The following NAAA variants were observed in gnomAD, a reference collection of about 807,000 sequenced individuals.
NAAA encodes N-acylethanolamine acid amidase.
NAAA carries 39 observed loss-of-function variants against 44.8 expected under a neutral mutation model. The ratio of observed to expected loss-of-function variants is 0.87; its 90% CI spans 0.67 to 1.14. NAAA has a LOEUF of 1.14. Among genes scored for constraint, NAAA ranks in the 50% most tolerant of loss-of-function variants. NAAA has a pLI of 0.00. For missense variants in NAAA, 460 were observed against 467.8 expected (o/e 0.98, Z 0.15); for synonymous variants, 178 against 191.3 (o/e 0.93, Z 0.58).
At chr4:75,939,509 G>A (rs1728036827) in intron 2 of NAAA, among the ~76,000 whole-genome samples, 1 of 149,274 alleles carries the variant, frequency 6.7e-6, no homozygotes, top group African/African-American at 2.5e-5. Context: ...TCCGCCTCCC[G>A]GGTTCAAGTG....
intron 5 of NAAA, among the ~76,000 whole-genome samples, chr4:75,925,349 T>C (rs1487859534): frequency 1.3e-5 from 2 of 152,194 alleles, no homozygotes; most frequent in Non-Finnish European, 2.9e-5. Context: ...GCATAACTTC[T>C]AAGTTCCAGT....
intron 3 of NAAA, among the ~76,000 whole-genome samples, chr4:75,934,052 GTAATAATAATAA>G (rs66466020): frequency 0.022 from 3,124 of 141,984 alleles, 96 homozygotes; most frequent in African/African-American, 0.069. Flanking sequence ...AATAGTAGTA[GTAATAATAATAA>G]TAATAATAAT....
In NAAA at chr4:75,936,247, GAA is replaced by G. The variant is rs747320966; in HGVS notation, c.372-14_372-13del. The stretch of plus-strand genomic sequence containing the variant: ...TACTGGTGCAGAACCTGAGAAAAGG[GAA>G]AAGTCCAACATGAATGAATAAGACA... On this transcript the variant is annotated splice_polypyrimidine_tract_variant and intron_variant, in intron 2 of 10. Transcript: ENST00000286733. 3 of 1,608,458 alleles carry G rather than the reference GAA, an allele frequency of 1.9e-6. No individual in the cohort carries two copies. In the Admixed American group the frequency reaches 5.1e-5, roughly 27 times the overall value.
intron 1 of NAAA, 76 bp from the exon 2 acceptor site, chr4:75,940,241 G>A: frequency 6.6e-7 from 1 of 1,516,794 alleles, no homozygotes; most frequent in Non-Finnish European, 9.0e-7. Context: ...ACTGCGAGCG[G>A]GGCTACATCC....
chr4:75,924,206 C>A (rs776777891), intron 5 of NAAA, among the ~76,000 whole-genome samples: 1 of 152,218 alleles, frequency 6.6e-6, no homozygotes, highest in Admixed American at 6.5e-5. Flanking sequence ...TCACCCCAGA[C>A]AAATGAGGCC....
At chr4:75,924,166 C>CT (rs1726442578) in intron 5 of NAAA, among the ~76,000 whole-genome samples, 2 of 152,308 alleles carry the variant, frequency 1.3e-5, no homozygotes, top group Non-Finnish European at 2.9e-5. Flanking sequence ...TTCTAGTTTT[C>CT]TGTGGCCCTG....
downstream of NAAA, among the ~76,000 whole-genome samples, chr4:75,911,025 A>C (rs1459024926): frequency 6.6e-6 from 1 of 152,172 alleles, no homozygotes; most frequent in Non-Finnish European, 1.5e-5. Flanking sequence ...TCAAGGGCGG[A>C]GAGGATATTA....
chr4:75,916,371 T>C (rs532945057), intron 9 of NAAA: 9 of 152,356 alleles, frequency 5.9e-5, no homozygotes, highest in Admixed American at 2.0e-4. Flanking sequence ...ATGGTGATTG[T>C]CACTTAAAAG....
chr4:75,918,348 G>C (rs1725821427), intron 9 of NAAA, among the ~76,000 whole-genome samples: 1 of 152,124 alleles, frequency 6.6e-6, no homozygotes, highest in African/African-American at 2.4e-5. Context: ...CCAGCCACTT[G>C]GGAGGCTGAG....
intron 9 of NAAA, among the ~76,000 whole-genome samples, chr4:75,918,175 C>A (rs960317294): frequency 6.6e-6 from 1 of 152,028 alleles, no homozygotes; most frequent in Non-Finnish European, 1.5e-5. Flanking sequence ...CAGAGCTGGC[C>A]GGGCGCAGTG....
rs1725446267 is a variant in NAAA, at chr4:75,914,030, G to A, written c.*345C>T. Reference sequence around the variant, plus strand: ...TTAGCGGAGAAGCAAAGGTATGATGGCAGAATCATGAGAAGATGGAAATAA... The same window carrying A: ...TTAGCGGAGAAGCAAAGGTATGATGACAGAATCATGAGAAGATGGAAATAA... On this transcript the variant is annotated 3_prime_UTR_variant, in exon 11 of 11. Transcript: ENST00000286733. 1.0e-6 allele frequency: 1 copy of A among 985,382 alleles called. No homozygotes were observed. The highest frequency in any genetic ancestry group is 1.2e-6 in the Non-Finnish European group (1 of 829,942). 61.0% of individuals were successfully genotyped at this position (985,382 alleles called of 1,614,324 possible).
At chr4:75,924,512 C>T (rs1726475415) in intron 5 of NAAA, among the ~76,000 whole-genome samples, 1 of 152,206 alleles carries the variant, frequency 6.6e-6, no homozygotes, top group Non-Finnish European at 1.5e-5. Flanking sequence ...TAAGGGGAGA[C>T]TACTGTAGAT....
chr4:75,926,748 T>C (rs1311037494), intron 4 of NAAA, among the ~76,000 whole-genome samples: 1 of 152,068 alleles, frequency 6.6e-6, no homozygotes, highest in Non-Finnish European at 1.5e-5. Context: ...CTCAAGCCTG[T>C]AATCCCAACA....
At chr4:75,918,856 T>C (rs779772307) in intron 8 of NAAA, 67 bp from the exon 9 acceptor site, 10 of 1,476,438 alleles carry the variant, frequency 6.8e-6, no homozygotes, top group Middle Eastern at 1.7e-4. Flanking sequence ...AGAATATCTA[T>C]GGAGGGCCGG....
chr4:75,937,407 A>G (rs1408517417), intron 2 of NAAA, among the ~76,000 whole-genome samples: 2 of 152,258 alleles, frequency 1.3e-5, no homozygotes, highest in Non-Finnish European at 2.9e-5. Context: ...TAACAGAGTG[A>G]GACTCCGTCT....
chr4:75,916,614 TAAC>T (rs1004500072), intron 9 of NAAA: 7 of 152,126 alleles, frequency 4.6e-5, no homozygotes, highest in African/African-American at 1.4e-4. Flanking sequence ...GAGGAAAATC[TAAC>T]AACTGGAGAA....
chr4:75,924,909 C>CA lies in NAAA; in HGVS notation c.666+825dup, dbSNP rs546784723. ...CCTGTCTGAGAAAACTCCAGGCTGTCAAAAGAATTTGCCATTTGTTCCAGC... is the reference window on the plus strand; with the variant it reads ...CCTGTCTGAGAAAACTCCAGGCTGTCAAAAAGAATTTGCCATTTGTTCCAGC... On this transcript the variant is annotated intron_variant, in intron 5 of 10. Transcript: ENST00000286733. Among the ~76,000 whole-genome samples, 340 of 152,274 alleles carry CA rather than the reference C, an allele frequency of 2.2e-3. 1 individual carries two copies. Among genetic ancestry groups the CA allele is most frequent in the African/African-American group, 8.0e-3 (334 of 41,560 alleles).
chr4:75,911,939 C>T (rs1235016680), downstream of NAAA, among the ~76,000 whole-genome samples: 1 of 152,156 alleles, frequency 6.6e-6, no homozygotes, highest in Non-Finnish European at 1.5e-5. Flanking sequence ...TAAAGTTAAA[C>T]TCTAAACTAA....
chr4:75,917,214 T>G, intron 9 of NAAA: 1 of 414,892 alleles, frequency 2.4e-6, no homozygotes, highest in Non-Finnish European at 3.2e-6. Flanking sequence ...CAATAGTGCA[T>G]TGGAGCTAGC....
Sources: gnomAD v4.1 joint callset for allele counts (sites outside exome capture counted in the v4.1 genomes callset) on GRCh38, gnomAD v4.1.1 for gene constraint, MANE v1.5 for transcripts, NCBI Gene and HGNC (gene_info 2026-07-23, HGNC 2026-07-21) for gene names.